The following POFUT3 variants were observed in gnomAD, a reference collection of about 807,000 sequenced individuals.
POFUT3 encodes GDP-fucose protein O-fucosyltransferase 3.
the POFUT3 span, among the ~76,000 whole-genome samples, chr8:33,334,043 G>C: frequency 6.6e-6 from 1 of 152,064 alleles, no homozygotes; most frequent in South Asian, 2.1e-4. Context: ...TCTGTCTTGG[G>C]AAGCGTCACT....
the POFUT3 span, among the ~76,000 whole-genome samples, chr8:33,397,333 T>C: frequency 6.6e-6 from 1 of 151,960 alleles, no homozygotes; most frequent in African/African-American, 2.4e-5. Context: ...TTGTCCAGAG[T>C]GTGGGTCCGT....
chr8:33,395,963 G>A, the POFUT3 span, among the ~76,000 whole-genome samples: 177 of 152,310 alleles, frequency 1.2e-3, no homozygotes, highest in South Asian at 1.9e-3. Flanking sequence ...GTCTCAGAAG[G>A]AAGAGAGAAG....
the POFUT3 span, among the ~76,000 whole-genome samples, chr8:33,357,123 T>A: frequency 6.6e-6 from 1 of 152,210 alleles, no homozygotes; most frequent in Non-Finnish European, 1.5e-5. Flanking sequence ...CCAGCTTTGT[T>A]CTTTTGGCTT....
chr8:33,392,130 A>G, the POFUT3 span, among the ~76,000 whole-genome samples: 1 of 152,202 alleles, frequency 6.6e-6, no homozygotes, highest in African/African-American at 2.4e-5. Flanking sequence ...CATGTTTGCT[A>G]TCTATAAAAG....
the POFUT3 span, among the ~76,000 whole-genome samples, chr8:33,412,871 GC>G: frequency 2.0e-5 from 3 of 152,016 alleles, no homozygotes; most frequent in Admixed American, 2.0e-4. Context: ...CAAGTGATCT[GC>G]CCACCTTGGC....
the POFUT3 span, among the ~76,000 whole-genome samples, chr8:33,374,660 T>C: frequency 3.3e-5 from 5 of 152,086 alleles, no homozygotes; most frequent in Admixed American, 2.6e-4. Context: ...CATAAAATGA[T>C]AGCATGAGGG....
the POFUT3 span, among the ~76,000 whole-genome samples, chr8:33,344,841 G>A: frequency 5.3e-5 from 8 of 152,216 alleles, no homozygotes; most frequent in Admixed American, 4.6e-4. Context: ...CCCTTGCTCA[G>A]TAAAAGTTAA....
At chr8:33,451,187 A>T in the POFUT3 span, among the ~76,000 whole-genome samples, 1 of 152,070 alleles carries the variant, frequency 6.6e-6, no homozygotes, top group East Asian at 1.9e-4. Context: ...TTAATTTGGA[A>T]CACCTGAATT....
chr8:33,422,545 CAAA>C, the POFUT3 span, among the ~76,000 whole-genome samples: 42 of 37,132 alleles, frequency 1.1e-3, no homozygotes, highest in African/African-American at 3.2e-3. Flanking sequence ...AACTCTGTCT[CAAA>C]AAAAAAAAAA....
the POFUT3 span, among the ~76,000 whole-genome samples, chr8:33,403,606 T>C: frequency 6.6e-6 from 1 of 152,026 alleles, no homozygotes; most frequent in Non-Finnish European, 1.5e-5. Context: ...TAGACCCAGC[T>C]ACTAGGGAGA....
At chr8:33,431,489 AGT>A in the POFUT3 span, among the ~76,000 whole-genome samples, 1 of 125,930 alleles carries the variant, frequency 7.9e-6, no homozygotes. Context: ...CAGAGGTTGC[AGT>A]GAGCTGAGAC....
At chr8:33,460,125 G>A in the POFUT3 span, among the ~76,000 whole-genome samples, 674 of 152,020 alleles carry the variant, frequency 4.4e-3, 4 homozygotes, top group African/African-American at 0.015. Context: ...GGAGGCAGAG[G>A]TAGTAGTGAG....
the POFUT3 span, among the ~76,000 whole-genome samples, chr8:33,315,464 T>C: frequency 6.6e-6 from 1 of 152,164 alleles, no homozygotes; most frequent in South Asian, 2.1e-4. Flanking sequence ...TGTGACATTA[T>C]GGCTACTCTC....
At chr8:33,455,883 C>T in the POFUT3 span, 22 of 432,540 alleles carry the variant, frequency 5.1e-5, no homozygotes, top group African/African-American at 9.0e-5. Context: ...AGATTCTCAA[C>T]GGTATCCAAG....
chr8:33,460,712 C>T, the POFUT3 span: 2 of 984,908 alleles, frequency 2.0e-6, no homozygotes, highest in Non-Finnish European at 2.4e-6. Flanking sequence ...TCAAACTCAC[C>T]TTCTATTTCA....
chr8:33,442,884 T>C, the POFUT3 span, among the ~76,000 whole-genome samples: 1 of 152,188 alleles, frequency 6.6e-6, no homozygotes, highest in Non-Finnish European at 1.5e-5. Context: ...AGATTTAGTT[T>C]GGTATAAGGA....
At chr8:33,399,668 T>G in the POFUT3 span, among the ~76,000 whole-genome samples, 1 of 152,010 alleles carries the variant, frequency 6.6e-6, no homozygotes, top group Non-Finnish European at 1.5e-5. Flanking sequence ...ATTTGTTTTT[T>G]TTTTGAGATG....
the POFUT3 span, among the ~76,000 whole-genome samples, chr8:33,437,424 G>A: frequency 6.6e-6 from 1 of 151,080 alleles, no homozygotes; most frequent in African/African-American, 2.4e-5. Flanking sequence ...CAGCTTTCAA[G>A]ACACTTTTAT....
the POFUT3 span, among the ~76,000 whole-genome samples, chr8:33,399,077 TG>T: frequency 6.6e-6 from 1 of 152,194 alleles, no homozygotes; most frequent in Non-Finnish European, 1.5e-5. Flanking sequence ...GCATTGTAGT[TG>T]GAGAACATAA....
Sources: allele counts gnomAD v4.1 joint callset (sites outside exome capture counted in the v4.1 genomes callset), GRCh38; gene constraint gnomAD v4.1.1; transcripts MANE v1.5; gene names NCBI Gene and HGNC (gene_info 2026-07-23, HGNC 2026-07-21).